Variants in SUMF1 observed in about 807,000 individuals in gnomAD.
SUMF1 encodes sulfatase modifying factor 1.
A neutral mutation model predicts 47.6 loss-of-function variants in SUMF1; 48 were observed. That is an observed-to-expected ratio of 1.01 (90% CI 0.80 to 1.28). SUMF1 has a LOEUF of 1.28. SUMF1 is among the 50% of genes most tolerant of loss of function. The probability of loss-of-function intolerance (pLI) is 0.00; values close to 1 mark genes in which losing one functional copy is unlikely to be tolerated. For missense variants in SUMF1, 571 were observed against 485.4 expected (o/e 1.18, Z -1.66); for synonymous variants, 230 against 192.1 (o/e 1.20, Z -1.63).
chr3:4,455,654 T>C (rs1000338187), intron 1 of SUMF1, among the ~76,000 whole-genome samples: 4 of 151,986 alleles, frequency 2.6e-5, no homozygotes, highest in African/African-American at 9.7e-5. Flanking sequence ...GAGGTGGAGG[T>C]TGCAGTGAGC....
chr3:4,131,882 T>C (rs1396523747), intron 8 of SUMF1, among the ~76,000 whole-genome samples: 1 of 152,208 alleles, frequency 6.6e-6, no homozygotes, highest in South Asian at 2.1e-4. Flanking sequence ...AGTGGGACCA[T>C]GAACAAAGTG....
intron 9 of SUMF1, among the ~76,000 whole-genome samples, chr3:4,066,363 C>T (rs902575368): frequency 1.1e-4 from 17 of 151,972 alleles, no homozygotes; most frequent in African/African-American, 3.9e-4. Context: ...AACTAGTTAA[C>T]ATAAAATTTA....
At chr3:4,141,445 A>T (rs1359645248) in intron 8 of SUMF1, among the ~76,000 whole-genome samples, 1 of 152,130 alleles carries the variant, frequency 6.6e-6, no homozygotes. Context: ...CCAGCAGCAA[A>T]AGCTGGCCTC....
At chr3:4,423,482 C>T (rs17685441) in intron 3 of SUMF1, among the ~76,000 whole-genome samples, 2 of 152,074 alleles carry the variant, frequency 1.3e-5, no homozygotes, top group Non-Finnish European at 2.9e-5. Flanking sequence ...TACTCTTCTA[C>T]TCTCCTTTTC....
chr3:4,262,470 A>G (rs1163770799), intron 8 of SUMF1, among the ~76,000 whole-genome samples: 1 of 152,126 alleles, frequency 6.6e-6, no homozygotes, highest in Non-Finnish European at 1.5e-5. Context: ...AGACAAAACC[A>G]AAAAATCCAT....
intron 9 of SUMF1, among the ~76,000 whole-genome samples, chr3:4,050,801 G>GAAAAA (rs1283298432): frequency 7.0e-6 from 1 of 143,850 alleles, no homozygotes; most frequent in Non-Finnish European, 1.5e-5. Flanking sequence ...AAAAGAAAAA[G>GAAAAA]AAAAATGTAA....
intron 8 of SUMF1, among the ~76,000 whole-genome samples, chr3:4,095,483 A>C (rs552129130): frequency 6.6e-6 from 1 of 152,238 alleles, no homozygotes; most frequent in East Asian, 1.9e-4. Flanking sequence ...CACAAGATTT[A>C]AGAGCCAAGC....
At position 4,094,475 on chromosome 3, in the gene SUMF1, G is replaced by C. The variant is rs55805476; in HGVS notation, c.1015-25730C>G. Reference sequence around the variant, plus strand: ...TGTAGTGAAAAATGACTTCCAACTGGGGAAACCAGAAAAGTCATGATGGAG... The same window carrying C: ...TGTAGTGAAAAATGACTTCCAACTGCGGAAACCAGAAAAGTCATGATGGAG... On this transcript the variant is annotated intron_variant and NMD_transcript_variant, in intron 8 of 12. Transcript: ENST00000448413. Among the ~76,000 whole-genome samples the C allele has an allele frequency of 7.2e-3, 1,093 of 152,140 alleles. 29 individuals carry two copies. Among genetic ancestry groups the C allele is most frequent in the African/African-American group, 0.025 (1,051 of 41,494 alleles).
chr3:4,060,689 C>CA (rs139933584), intron 9 of SUMF1, among the ~76,000 whole-genome samples: 6,691 of 152,164 alleles, frequency 0.044, 507 homozygotes, highest in African/African-American at 0.15. Context: ...AATGAGTTTG[C>CA]ACCAACTTTC....
At chr3:4,264,795 C>A (rs1380133839) in intron 8 of SUMF1, among the ~76,000 whole-genome samples, 1 of 152,120 alleles carries the variant, frequency 6.6e-6, no homozygotes, top group Non-Finnish European at 1.5e-5. Flanking sequence ...TTGTTAACAG[C>A]AGCAATTGCT....
chr3:4,242,252 T>C (rs957447819), intron 8 of SUMF1, among the ~76,000 whole-genome samples: 7 of 152,210 alleles, frequency 4.6e-5, no homozygotes, highest in Middle Eastern at 3.2e-3. Context: ...CTTTTCCTAA[T>C]TGAATACACT....
At chr3:4,041,659 G>A (rs568728852) in intron 9 of SUMF1, among the ~76,000 whole-genome samples, 88 of 152,144 alleles carry the variant, frequency 5.8e-4, no homozygotes, top group Non-Finnish European at 1.0e-3. Flanking sequence ...ATTTTTATGC[G>A]TAGGTGACAT....
intron 8 of SUMF1, among the ~76,000 whole-genome samples, chr3:4,197,600 G>C (rs1375002877): frequency 6.6e-6 from 1 of 152,146 alleles, no homozygotes; most frequent in Non-Finnish European, 1.5e-5. Flanking sequence ...TAAGGTAATA[G>C]AATACAGTTG....
intron 1 of SUMF1, among the ~76,000 whole-genome samples, chr3:4,465,377 A>G (rs1302537003): frequency 6.6e-6 from 1 of 152,104 alleles, no homozygotes; most frequent in Non-Finnish European, 1.5e-5. Context: ...TGGGAGGCTG[A>G]GGCAGGAAGG....
intron 8 of SUMF1, among the ~76,000 whole-genome samples, chr3:4,178,437 A>C (rs1212189814): frequency 5.3e-5 from 8 of 152,218 alleles, no homozygotes; most frequent in Admixed American, 3.9e-4. Flanking sequence ...CAATGACAAA[A>C]ACCACATGAT....
chr3:4,126,039 C>G (rs1259307690), intron 8 of SUMF1, among the ~76,000 whole-genome samples: 1 of 151,876 alleles, frequency 6.6e-6, no homozygotes, highest in Admixed American at 6.6e-5. Flanking sequence ...CACAAACTAT[C>G]CCTAGAACTG....
chr3:4,085,816 TTTC>T (rs1294678581), intron 8 of SUMF1, among the ~76,000 whole-genome samples: 12 of 152,186 alleles, frequency 7.9e-5, no homozygotes, highest in African/African-American at 2.4e-4. Flanking sequence ...AAAATATTGC[TTTC>T]TTGACATTAT....
chr3:4,423,291 C>G (rs1335825704), intron 3 of SUMF1, among the ~76,000 whole-genome samples: 1 of 151,606 alleles, frequency 6.6e-6, no homozygotes, highest in Non-Finnish European at 1.5e-5. Flanking sequence ...CACACACACA[C>G]ACACACACAC....
chr3:4,059,317 C>T (rs1373150795), intron 9 of SUMF1, among the ~76,000 whole-genome samples: 1 of 152,098 alleles, frequency 6.6e-6, no homozygotes, highest in Admixed American at 6.6e-5. Context: ...TGTATTTTAT[C>T]TGTACAGCTG....
Sources: gnomAD v4.1 joint callset for allele counts (sites outside exome capture counted in the v4.1 genomes callset) on GRCh38, gnomAD v4.1.1 for gene constraint, MANE v1.5 for transcripts, NCBI Gene and HGNC (gene_info 2026-07-23, HGNC 2026-07-21) for gene names.